Variants in VPS13B observed in about 807,000 individuals in gnomAD.
VPS13B encodes intermembrane lipid transfer protein VPS13B.
A neutral mutation model predicts 426.4 loss-of-function variants in VPS13B; 285 were observed. The observed-to-expected ratio is 0.67, with a 90% CI of 0.61 to 0.74. The LOEUF (loss-of-function observed/expected upper bound fraction) is 0.74. Among genes scored for constraint, VPS13B ranks in the 30% least tolerant of loss-of-function variants. VPS13B has a pLI of 0.00. For missense variants in VPS13B, 4,537 were observed against 4,782.6 expected (o/e 0.95, Z 1.51); for synonymous variants, 1,676 against 1,676.4 (o/e 1.00, Z 0.01).
At chr8:99,345,959 C>G (rs1811514046) in intron 19 of VPS13B, 1 of 152,492 alleles carries the variant, frequency 6.6e-6, no homozygotes, top group Non-Finnish European at 1.5e-5. Flanking sequence ...ATTCTCATGA[C>G]ACACACAAGG....
At chr8:99,421,207 G>A (rs1309091399) in intron 21 of VPS13B, among the ~76,000 whole-genome samples, 1 of 152,058 alleles carries the variant, frequency 6.6e-6, no homozygotes, top group Non-Finnish European at 1.5e-5. Context: ...AAGTTGAATG[G>A]TTCATCCCCA....
chr8:99,785,059 T>G (rs1000246489), intron 43 of VPS13B, among the ~76,000 whole-genome samples: 1 of 152,114 alleles, frequency 6.6e-6, no homozygotes, highest in Non-Finnish European at 1.5e-5. Flanking sequence ...AAGGGAGCAC[T>G]GAGAAAAGAC....
At chr8:99,817,393 G>T in intron 44 of VPS13B, 147 bp from the exon 45 acceptor site, 1 of 1,093,698 alleles carries the variant, frequency 9.1e-7, no homozygotes. Flanking sequence ...TTGACTTCAA[G>T]TCTTTTTTCC....
chr8:99,730,044 A>C (rs1181378573), intron 39 of VPS13B, among the ~76,000 whole-genome samples: 1 of 152,220 alleles, frequency 6.6e-6, no homozygotes, highest in Admixed American at 6.5e-5. Flanking sequence ...TAGCTTAAAA[A>C]GAATAAAAGG....
At chr8:99,573,737 G>A (rs1366135824) in intron 31 of VPS13B, among the ~76,000 whole-genome samples, 1 of 152,120 alleles carries the variant, frequency 6.6e-6, no homozygotes. Context: ...GTAGCGTGAT[G>A]CCTCCAGCTT....
At chr8:99,241,852 C>T (rs1816947431) in intron 17 of VPS13B, among the ~76,000 whole-genome samples, 1 of 152,094 alleles carries the variant, frequency 6.6e-6, no homozygotes, top group South Asian at 2.1e-4. Flanking sequence ...TACTTTATGT[C>T]TGTTACTTAA....
At chr8:99,477,328 T>C (rs931597384) in intron 24 of VPS13B, among the ~76,000 whole-genome samples, 2 of 152,244 alleles carry the variant, frequency 1.3e-5, no homozygotes, top group Non-Finnish European at 2.9e-5. Flanking sequence ...TTGTGCTTTC[T>C]CATTTATCCA....
At chr8:99,374,455 T>C (rs1813364756) in intron 19 of VPS13B, among the ~76,000 whole-genome samples, 2 of 152,134 alleles carry the variant, frequency 1.3e-5, no homozygotes, top group Admixed American at 1.3e-4. Context: ...ATCTATATTA[T>C]TATTAGAGTT....
At chr8:99,553,401 C>T (rs1415252422) in intron 30 of VPS13B, among the ~76,000 whole-genome samples, 9 of 152,000 alleles carry the variant, frequency 5.9e-5, no homozygotes, top group East Asian at 3.9e-4. Flanking sequence ...TTATCGTTTT[C>T]GTTGCAGTTC....
rs201723380 is a variant in VPS13B, at chr8:99,096,385, C to T, written c.365C>T (p.Pro122Leu). 247 of 1,614,032 alleles carry T rather than the reference C, an allele frequency of 1.5e-4. 1 individual carries two copies. Among genetic ancestry groups the T allele is most frequent in the Admixed American group, 2.0e-4 (12 of 60,010 alleles). ...TAESTKSSIK[P>L]RRMQQAAPTD... ...GAGAGCACAAAATCATCAATCAAAC[C>T]GCGGAGAATGCAGCAGGCTGCTCCT... The change falls in exon 4 of 62, where the codon CCG becomes CTG. Residue 122 changes from proline (P) to leucine (L), a missense_variant. By Grantham distance (98) the Pro-to-Leu change is moderately conservative. Around this residue, in one of 2 missense-constraint regions of VPS13B, gnomAD observed 226 missense variants for 308.3 expected, o/e 0.73. Transcript: ENST00000357162.
At chr8:99,250,531 A>T (rs995170933) in intron 17 of VPS13B, among the ~76,000 whole-genome samples, 9 of 150,098 alleles carry the variant, frequency 6.0e-5, no homozygotes, top group Admixed American at 6.0e-4. Context: ...CCTATGGCCT[A>T]TTCTAGCACG....
intron 39 of VPS13B, among the ~76,000 whole-genome samples, chr8:99,727,028 C>G (rs1563884623): frequency 6.6e-6 from 1 of 152,168 alleles, no homozygotes; most frequent in Non-Finnish European, 1.5e-5. Context: ...TACATAATAA[C>G]TCATTAAATT....
intron 33 of VPS13B, among the ~76,000 whole-genome samples, chr8:99,633,855 T>C (rs1828961337): frequency 7.4e-6 from 1 of 135,294 alleles, no homozygotes. Context: ...TTTAACTGAA[T>C]TCATTACAAA....
At chr8:99,172,772 G>A (rs1245288889) in intron 16 of VPS13B, among the ~76,000 whole-genome samples, 1 of 152,038 alleles carries the variant, frequency 6.6e-6, no homozygotes, top group Non-Finnish European at 1.5e-5. Flanking sequence ...TTAAAATGAT[G>A]GATATTAACA....
intron 35 of VPS13B, among the ~76,000 whole-genome samples, chr8:99,673,006 T>A (rs1296829642): frequency 6.6e-6 from 1 of 152,088 alleles, no homozygotes; most frequent in Non-Finnish European, 1.5e-5. Flanking sequence ...GAGTAGATTT[T>A]TAATGTATTT....
intron 31 of VPS13B, among the ~76,000 whole-genome samples, chr8:99,558,629 A>G (rs1824719848): frequency 6.6e-6 from 1 of 151,584 alleles, no homozygotes; most frequent in South Asian, 2.1e-4. Context: ...CTCATTGTTC[A>G]ATTCCCACCT....
chr8:99,225,027 G>C (rs1262314501), intron 17 of VPS13B, among the ~76,000 whole-genome samples: 2 of 152,144 alleles, frequency 1.3e-5, no homozygotes, highest in East Asian at 1.9e-4. Context: ...TCCTGACTCT[G>C]TATTTGACAT....
intron 17 of VPS13B, among the ~76,000 whole-genome samples, chr8:99,258,723 A>C (rs1306335069): frequency 1.3e-5 from 2 of 152,068 alleles, no homozygotes; most frequent in Non-Finnish European, 2.9e-5. Flanking sequence ...TGTTTATTTC[A>C]TATTCCATTT....
At chr8:99,027,834 A>G (rs1842217588) in intron 2 of VPS13B, among the ~76,000 whole-genome samples, 1 of 152,060 alleles carries the variant, frequency 6.6e-6, no homozygotes, top group Non-Finnish European at 1.5e-5. Flanking sequence ...AGGGAAGGTC[A>G]GCAGATAAAC....
Sources: allele counts gnomAD v4.1 joint callset (sites outside exome capture counted in the v4.1 genomes callset), GRCh38; gene constraint gnomAD v4.1.1; regional missense constraint gnomAD v4.1.1; transcripts MANE v1.5; gene names NCBI Gene and HGNC (gene_info 2026-07-23, HGNC 2026-07-21).